Variants in TBC1D32 observed in about 807,000 individuals in gnomAD.
TBC1D32 encodes TBC1 domain family member 32.
In TBC1D32, 151 loss-of-function variants were observed where a neutral mutation model predicts 170.3. The observed-to-expected ratio is 0.89, with a 90% CI of 0.78 to 1.01. TBC1D32 has a LOEUF of 1.01. Among genes scored for constraint, TBC1D32 ranks in the 50% least tolerant of loss-of-function variants. The probability of loss-of-function intolerance (pLI) is 0.00; values close to 1 mark genes in which losing one functional copy is unlikely to be tolerated. For synonymous variants in TBC1D32, 498 were observed against 488.0 expected (o/e 1.02, Z -0.27); for missense variants, 1,464 against 1,457.1 (o/e 1.00, Z -0.08).
At chr6:121,162,989 C>A (rs1785972621) in intron 22 of TBC1D32, 1 of 74,654 alleles carries the variant, frequency 1.3e-5, no homozygotes, top group Non-Finnish European at 2.9e-5. Context: ...CGGGTCACTC[C>A]CACCCGAATA....
intron 4 of TBC1D32, among the ~76,000 whole-genome samples, 168 bp from the exon 5 acceptor site, chr6:121,308,269 C>T (rs1483039270): frequency 1.3e-5 from 2 of 148,612 alleles, no homozygotes; most frequent in Non-Finnish European, 3.0e-5. Context: ...ATTTTTTAAA[C>T]TAAGTGCTAA....
Position 121,126,752 on chromosome 6 carries a change from G to GA in TBC1D32, c.2900-292dup, listed in dbSNP as rs776691714. Among the ~76,000 whole-genome samples the GA allele has an allele frequency of 5.4e-3, 794 of 147,330 alleles. 4 individuals carry two copies. Among genetic ancestry groups the GA allele is most frequent in the Middle Eastern group, 0.014 (4 of 284 alleles). ...GAATTTGCTAAATGATTTCAAAACT[G>GA]AAAAAAAAAATCACTAATTATGCTA... is the stretch of plus-strand genomic sequence containing the variant. On this transcript the variant is annotated intron_variant, in intron 25 of 31. Transcript: ENST00000398212.
intron 22 of TBC1D32, among the ~76,000 whole-genome samples, chr6:121,203,586 C>T (rs570870814): frequency 1.5e-4 from 23 of 151,244 alleles, no homozygotes; most frequent in East Asian, 1.4e-3. Flanking sequence ...TTTCTGTGTG[C>T]CAGGTACTAT....
At chr6:121,128,831 T>C (rs766858274) in intron 25 of TBC1D32, among the ~76,000 whole-genome samples, 3 of 152,198 alleles carry the variant, frequency 2.0e-5, no homozygotes, top group African/African-American at 2.4e-5. Context: ...TCGGTATCCC[T>C]GAAAATTTCT....
rs1803817641 is a variant in TBC1D32 at position 121,286,319 on chromosome 6, G to T, written c.1373-2409C>A. 2.6e-5 allele frequency among the ~76,000 whole-genome samples: 4 copies of T among 152,312 alleles called. No individual in the cohort carries two copies. In the South Asian group the frequency reaches 8.3e-4, roughly 32 times the overall value. On this transcript the variant is annotated intron_variant, in intron 12 of 31. Coordinates refer to ENST00000398212, the MANE Select transcript of TBC1D32 (RefSeq NM_152730.6). ...GGACCTGATGGAGCTGAAAACCAAT[G>T]CACGAGAACTACGTGACGAATGCAC...
At chr6:121,206,008 G>A (rs535411220) in intron 21 of TBC1D32, among the ~76,000 whole-genome samples, 75 of 152,102 alleles carry the variant, frequency 4.9e-4, no homozygotes, top group African/African-American at 1.7e-3. Context: ...TCAGGAGTTC[G>A]AGACCAGCCT....
intron 20 of TBC1D32, among the ~76,000 whole-genome samples, chr6:121,233,192 G>A (rs548445863): frequency 1.4e-4 from 22 of 152,070 alleles, no homozygotes; most frequent in Non-Finnish European, 2.4e-4. Flanking sequence ...GTAGTTGTTC[G>A]GTAAAATGTT....
In TBC1D32 at chr6:121,162,813, G is replaced by C. The variant is rs552233209; in HGVS notation, c.2571-1757C>G. Among the ~76,000 whole-genome samples, 51 of 99,112 alleles carry C rather than the reference G, an allele frequency of 5.1e-4. 1 individual carries two copies. Among genetic ancestry groups the C allele is most frequent in the African/African-American group, 1.4e-3 (48 of 33,222 alleles). The allele number at this position is 99,112 out of a possible 152,430, so 65.0% of individuals were successfully genotyped here. A position where few individuals can be genotyped will look rare whatever the true frequency, so the allele number is the denominator to read the frequency against. On this transcript the variant is annotated intron_variant, in intron 22 of 31. Transcript: ENST00000398212. ...TTTCTGCATTTCCATCTGAGGTACCGGGTGCATCTCACTAGGGAGTGCCAG... is the reference window on the plus strand; with the variant it reads ...TTTCTGCATTTCCATCTGAGGTACCCGGTGCATCTCACTAGGGAGTGCCAG...
intron 17 of TBC1D32, among the ~76,000 whole-genome samples, chr6:121,254,057 T>TA (rs147123044): frequency 0.042 from 6,213 of 146,914 alleles, 296 homozygotes; most frequent in African/African-American, 0.12. Context: ...TACTCAGTCA[T>TA]AAAAAAAAAA....
At position 121,131,631 on chromosome 6, in the gene TBC1D32, T is replaced by C. The variant is rs1781451711; in HGVS notation, c.2895A>G (p.Gly965=). The C allele has an allele frequency of 6.2e-7, 1 of 1,610,170 alleles. No homozygotes were observed. Among genetic ancestry groups the C allele is most frequent in the Admixed American group, 1.7e-5 (1 of 59,882 alleles). ...CAATGGAAACAATGTACTTACCCTC[T>C]CCACTGATTATATCAGGTTTGGCTT... ...MMKAKPDIIS[G]EALIELLEKF... Residue 965 remains glycine (G), a synonymous_variant, in exon 25 of 32, where the codon GGA becomes GGG. Coordinates refer to ENST00000398212, the MANE Select transcript of TBC1D32 (RefSeq NM_152730.6).
At chr6:121,268,484 G>A (rs4368847) in intron 15 of TBC1D32, among the ~76,000 whole-genome samples, 123,265 of 152,102 alleles carry the variant, frequency 0.81, 52,765 homozygotes, top group Non-Finnish European at 0.93. Context: ...TCAGTAGCCA[G>A]TTCGATCAAC....
At chr6:121,183,582 C>T (rs971168777) in intron 22 of TBC1D32, among the ~76,000 whole-genome samples, 1 of 152,200 alleles carries the variant, frequency 6.6e-6, no homozygotes, top group South Asian at 2.1e-4. Context: ...TTCTATTAGG[C>T]ATCTTGTGCT....
intron 26 of TBC1D32, among the ~76,000 whole-genome samples, chr6:121,123,482 A>G (rs1780495854): frequency 1.3e-5 from 2 of 152,104 alleles, no homozygotes. Context: ...TTACCATTAT[A>G]TAATGACCTT....
chr6:121,126,577 A>G (rs1780880080), intron 25 of TBC1D32, 116 bp from the exon 26 acceptor site: 2 of 646,532 alleles, frequency 3.1e-6, no homozygotes, highest in Non-Finnish European at 5.3e-6. Flanking sequence ...GATACACTCT[A>G]AGGGAGTTCA....
chr6:121,184,299 C>T (rs2128277895), intron 22 of TBC1D32, among the ~76,000 whole-genome samples: 1 of 152,020 alleles, frequency 6.6e-6, no homozygotes, highest in South Asian at 2.1e-4. Context: ...GCTGGTACTC[C>T]ATATGCTTTA....
chr6:121,089,461 G>T (rs9398621), intron 31 of TBC1D32, among the ~76,000 whole-genome samples: 14 of 152,156 alleles, frequency 9.2e-5, no homozygotes, highest in African/African-American at 3.4e-4. Flanking sequence ...TGATGAAAAC[G>T]TCCCTTACTG....
chr6:121,155,643 T>G lies in TBC1D32; in HGVS notation c.2773+4367A>C, dbSNP rs759345215. On this transcript the variant is annotated intron_variant, in intron 24 of 31. Coordinates refer to ENST00000398212, the MANE Select transcript of TBC1D32 (RefSeq NM_152730.6). ...TAATGCTGTGATGTTAGCTGTGGATTTGTCATAGATGGCTCTTATTATTTT... is the reference window on the plus strand; with the variant it reads ...TAATGCTGTGATGTTAGCTGTGGATGTGTCATAGATGGCTCTTATTATTTT... Among the ~76,000 whole-genome samples the G allele has an allele frequency of 3.5e-4, 54 of 152,162 alleles. 1 individual carries two copies. The highest frequency in any genetic ancestry group is 5.9e-5 in the Non-Finnish European group (4 of 68,000).
chr6:121,265,536 T>C (rs1029533261), intron 15 of TBC1D32, among the ~76,000 whole-genome samples: 2 of 151,682 alleles, frequency 1.3e-5, no homozygotes, highest in Non-Finnish European at 2.9e-5. Context: ...CCATTGACAT[T>C]CTTCACAGAA....
chr6:121,175,992 C>T (rs1166011989), intron 22 of TBC1D32, among the ~76,000 whole-genome samples: 1 of 152,168 alleles, frequency 6.6e-6, no homozygotes, highest in African/African-American at 2.4e-5. Flanking sequence ...CTACTAAGTG[C>T]CTACTACTGT....
Sources: gnomAD v4.1 joint callset for allele counts (sites outside exome capture counted in the v4.1 genomes callset) on GRCh38, gnomAD v4.1.1 for gene constraint, MANE v1.5 for transcripts, NCBI Gene and HGNC (gene_info 2026-07-23, HGNC 2026-07-21) for gene names.